The following PRDX6 variants were observed in gnomAD, a reference collection of about 807,000 sequenced individuals.
The protein encoded by PRDX6 is peroxiredoxin-6.
A neutral mutation model predicts 20.0 loss-of-function variants in PRDX6; 13 were observed. The observed-to-expected ratio is 0.65, with a 90% CI of 0.42 to 1.03. PRDX6 has a LOEUF of 1.03. Among genes scored for constraint, PRDX6 ranks in the 50% least tolerant of loss-of-function variants. The pLI is 0.00. For missense variants in PRDX6, 203 were observed against 276.9 expected (o/e 0.73, Z 1.89); for synonymous variants, 85 against 100.8 (o/e 0.84, Z 0.94).
chr1:173,482,009 A>G (rs1292154845), intron 2 of PRDX6: 1 of 153,500 alleles, frequency 6.5e-6, no homozygotes, highest in Admixed American at 6.4e-5. Context: ...TCTCAAACCT[A>G]GCATGTCTAA....
chr1:173,482,715 A>T (rs185687387), intron 2 of PRDX6, among the ~76,000 whole-genome samples: 1 of 152,226 alleles, frequency 6.6e-6, no homozygotes, highest in Non-Finnish European at 1.5e-5. Flanking sequence ...GCTGCATCCT[A>T]TAGCAGTTAA....
At chr1:173,481,228 G>T in intron 1 of PRDX6, 98 bp from the exon 2 acceptor site, 1 of 1,215,146 alleles carries the variant, frequency 8.2e-7, no homozygotes. Context: ...ATTTAAAAAA[G>T]AAAGCCTGTT....
chr1:173,483,317 TATA>T (rs1332870746), intron 2 of PRDX6, among the ~76,000 whole-genome samples: 7 of 152,244 alleles, frequency 4.6e-5, no homozygotes, highest in Admixed American at 1.3e-4. Flanking sequence ...CAACTGATTA[TATA>T]ATAATCTGCC....
At chr1:173,483,444 G>A (rs34591026) in intron 2 of PRDX6, among the ~76,000 whole-genome samples, 4,817 of 152,206 alleles carry the variant, frequency 0.032, 111 homozygotes, top group Non-Finnish European at 0.045. Flanking sequence ...GTTATCATCC[G>A]GGAGCCTGAG....
intron 1 of PRDX6, among the ~76,000 whole-genome samples, chr1:173,479,979 C>T (rs1658774061): frequency 6.6e-6 from 1 of 152,194 alleles, no homozygotes; most frequent in African/African-American, 2.4e-5. Context: ...TTCTTCTCAA[C>T]TTCTGGAGAC....
In PRDX6 at chr1:173,484,008, G is replaced by T. The variant is rs548301339; in HGVS notation, c.253-1353G>T. On this transcript the variant is annotated intron_variant, in intron 2 of 4. Transcript: ENST00000340385. The stretch of plus-strand genomic sequence containing the variant: ...AATCCCAGCTATTCAGGAGGCTGAG[G>T]CAGAGAATTGCTTGAACCTGGGAGG... 4.6e-5 allele frequency among the ~76,000 whole-genome samples: 7 copies of T among 150,978 alleles called. No individual in the cohort carries two copies. In the East Asian group the frequency reaches 1.4e-3, roughly 29 times the overall value.
chr1:173,485,029 C>T (rs1210473398), intron 2 of PRDX6, among the ~76,000 whole-genome samples: 3 of 151,918 alleles, frequency 2.0e-5, no homozygotes, highest in African/African-American at 7.3e-5. Flanking sequence ...CCCAGAGGTA[C>T]CTTGTATTTG....
rs1393077876 is a variant in PRDX6, at chr1:173,484,127, A to C, written c.253-1234A>C. On this transcript the variant is annotated intron_variant, in intron 2 of 4. Coordinates refer to ENST00000340385, the MANE Select transcript of PRDX6 (RefSeq NM_004905.3). Reference sequence around the variant, plus strand: ...GCAAGACTCTGTCTCAAAAAAAAAAAAAAAAAAAAATTAGATATATATATT... The same window carrying C: ...GCAAGACTCTGTCTCAAAAAAAAAACAAAAAAAAAATTAGATATATATATT... Among the ~76,000 whole-genome samples the C allele has an allele frequency of 2.4e-5, 3 of 126,226 alleles. 1 individual carries two copies. The allele number at this position is 126,226 out of a possible 152,430, so 82.8% of individuals were successfully genotyped here. A position where few individuals can be genotyped will look rare whatever the true frequency, so the allele number is the denominator to read the frequency against.
At chr1:173,480,937 T>C (rs1658790658) in intron 1 of PRDX6, among the ~76,000 whole-genome samples, 1 of 152,138 alleles carries the variant, frequency 6.6e-6, no homozygotes, top group African/African-American at 2.4e-5. Flanking sequence ...GGGTCTATGC[T>C]AGAAAAAAAT....
intron 2 of PRDX6, among the ~76,000 whole-genome samples, chr1:173,482,719 C>T (rs1260121817): frequency 6.6e-6 from 1 of 152,128 alleles, no homozygotes; most frequent in Non-Finnish European, 1.5e-5. Context: ...CATCCTATAG[C>T]AGTTAATGCC....
chr1:173,481,136 G>A (rs967708327), intron 1 of PRDX6, 190 bp from the exon 2 acceptor site: 1 of 584,622 alleles, frequency 1.7e-6, no homozygotes, highest in African/African-American at 1.9e-5. Context: ...TGGGCTATAA[G>A]CATAGGCTTC....
chr1:173,484,957 T>C (rs1403451674), intron 2 of PRDX6, among the ~76,000 whole-genome samples: 1 of 152,162 alleles, frequency 6.6e-6, no homozygotes, highest in African/African-American at 2.4e-5. Flanking sequence ...ATGGCATTAT[T>C]TCTAGATGTG....
intron 1 of PRDX6, 112 bp downstream of exon 1, chr1:173,477,604 C>A: frequency 2.3e-6 from 2 of 880,866 alleles, no homozygotes; most frequent in Non-Finnish European, 3.5e-6. Flanking sequence ...CCTGCGCCGC[C>A]CTCGCCTTCC....
rs148407415 is a variant in PRDX6, at chr1:173,480,957, G to A, written c.96-369G>A. On this transcript the variant is annotated intron_variant, in intron 1 of 4. Transcript: ENST00000340385. ...TATGCTAGAAAAAAATGTAGAAAAG[G>A]ATAAGAAGAAATAATTAAGTGTTTT... Among the ~76,000 whole-genome samples, 1,374 of 152,272 alleles carry A rather than the reference G, an allele frequency of 9.0e-3. 19 individuals carry two copies. The highest frequency in any genetic ancestry group is 0.03 in the African/African-American group (1,260 of 41,530).
intron 4 of PRDX6, among the ~76,000 whole-genome samples, chr1:173,486,845 A>G (rs1303256875): frequency 6.6e-6 from 1 of 152,202 alleles, no homozygotes; most frequent in South Asian, 2.1e-4. Flanking sequence ...ATTCTCCAAA[A>G]TTTGTTCATA....
chr1:173,478,396 C>T (rs991430875), intron 1 of PRDX6, among the ~76,000 whole-genome samples: 1 of 152,176 alleles, frequency 6.6e-6, no homozygotes, highest in Non-Finnish European at 1.5e-5. Flanking sequence ...CCTCACTGTC[C>T]CCTCCGCTTT....
At chr1:173,486,674 A>T (rs573331910) in intron 4 of PRDX6, among the ~76,000 whole-genome samples, 2 of 149,572 alleles carry the variant, frequency 1.3e-5, no homozygotes, top group South Asian at 2.1e-4. Flanking sequence ...TAGAAGGTTT[A>T]AAAAAAAAAA....
intron 4 of PRDX6, among the ~76,000 whole-genome samples, chr1:173,486,896 T>C (rs540767582): frequency 7.9e-5 from 12 of 152,352 alleles, no homozygotes; most frequent in African/African-American, 2.2e-4. Context: ...CACAAGAGTA[T>C]CTTAACATTG....
chr1:173,481,237 T>C, intron 1 of PRDX6, 89 bp from the exon 2 acceptor site: 1 of 1,300,766 alleles, frequency 7.7e-7, no homozygotes, highest in Non-Finnish European at 1.1e-6. Flanking sequence ...AGAAAGCCTG[T>C]TTTTGATCCA....
Sources: gnomAD v4.1 joint callset for allele counts (sites outside exome capture counted in the v4.1 genomes callset) on GRCh38, gnomAD v4.1.1 for gene constraint, MANE v1.5 for transcripts, NCBI Gene and HGNC (gene_info 2026-07-23, HGNC 2026-07-21) for gene names.